The following ZFHX3 variants were observed in gnomAD, a reference collection of about 807,000 sequenced individuals.
ZFHX3 encodes zinc finger homeobox protein 3.
A neutral mutation model predicts 279.1 loss-of-function variants in ZFHX3; 42 were observed. That is an observed-to-expected ratio of 0.15 (90% confidence interval 0.12 to 0.19). The LOEUF (loss-of-function observed/expected upper bound fraction) is 0.19. Ranked by LOEUF, ZFHX3 falls within the 10% of genes least tolerant of loss-of-function variation. The pLI is 1.00. For missense variants in ZFHX3, 4,981 were observed against 4,754.0 expected, an observed-to-expected ratio of 1.05 and a Z score of -1.40; for synonymous variants, 2,293 against 1,957.8, an observed-to-expected ratio of 1.17 and a Z score of -4.52.
chr16:73,233,479 C>A (rs1318083507), intron 5 of ZFHX3, among the ~76,000 whole-genome samples: 1 of 152,194 alleles, frequency 6.6e-6, no homozygotes, highest in East Asian at 1.9e-4. Context: ...CTCTGTTTGT[C>A]TGCAGAAGCT....
Position 72,786,380 on chromosome 16 carries a change from C to A in ZFHX3, c.*784G>T, listed in dbSNP as rs2035369157. On this transcript the variant is annotated 3_prime_UTR_variant, in exon 10 of 10. Coordinates refer to ENST00000268489, the MANE Select transcript of ZFHX3 (RefSeq NM_006885.4). ...TTTAAAACTTATTTTTTTTAAGCTACAAGTCCTCAACACTCTTTGTGTGTG... is the reference window on the plus strand; with the variant it reads ...TTTAAAACTTATTTTTTTTAAGCTAAAAGTCCTCAACACTCTTTGTGTGTG... 2 of 150,810 alleles carry A rather than the reference C, an allele frequency of 1.3e-5. No homozygotes were observed. Among genetic ancestry groups the A allele is most frequent in the Admixed American group, 6.6e-5 (1 of 15,100 alleles). The allele number at this position is 150,810 out of a possible 1,614,324, so 9.3% of individuals were successfully genotyped here. A position where few individuals can be genotyped will look rare whatever the true frequency, so the allele number is the denominator to read the frequency against.
At chr16:73,522,572 A>T (rs1286220594) in intron 2 of ZFHX3, among the ~76,000 whole-genome samples, 4 of 152,158 alleles carry the variant, frequency 2.6e-5, no homozygotes, top group African/African-American at 9.7e-5. Context: ...TTGACTAAGC[A>T]GCCCAGACCA....
intron 2 of ZFHX3, among the ~76,000 whole-genome samples, chr16:73,562,657 A>C (rs992112871): frequency 1.3e-5 from 2 of 151,670 alleles, no homozygotes; most frequent in African/African-American, 4.8e-5. Context: ...GTCTCACCAG[A>C]GAAGGCAGAG....
chr16:73,831,297 G>A (rs148015210), intron 1 of ZFHX3, among the ~76,000 whole-genome samples: 57 of 152,284 alleles, frequency 3.7e-4, no homozygotes, highest in African/African-American at 1.3e-3. Context: ...ACTAACGTCC[G>A]GAAGCAGCAG....
At chr16:73,178,538 T>G (rs1013316207) in intron 5 of ZFHX3, among the ~76,000 whole-genome samples, 9 of 152,194 alleles carry the variant, frequency 5.9e-5, no homozygotes, top group African/African-American at 1.9e-4. Context: ...TTCAACTCAT[T>G]TGTCTATGGC....
intron 4 of ZFHX3, among the ~76,000 whole-genome samples, chr16:73,265,366 C>T (rs1339468333): frequency 2.6e-5 from 4 of 152,096 alleles, no homozygotes; most frequent in Non-Finnish European, 5.9e-5. Context: ...CTGGAGTCAG[C>T]TTTGCTGCAG....
At chr16:73,070,905 T>C (rs757318074) in intron 8 of ZFHX3, among the ~76,000 whole-genome samples, 1 of 135,626 alleles carries the variant, frequency 7.4e-6, no homozygotes, top group Non-Finnish European at 1.6e-5. Context: ...GGCTGGTTCC[T>C]AGACCGTCTT....
intron 1 of ZFHX3, among the ~76,000 whole-genome samples, chr16:73,841,853 T>C (rs1961316739): frequency 6.6e-6 from 1 of 152,194 alleles, no homozygotes; most frequent in Non-Finnish European, 1.5e-5. Context: ...ATACACTTTC[T>C]TTGCACATGA....
intron 4 of ZFHX3, among the ~76,000 whole-genome samples, chr16:73,274,037 G>A (rs944405542): frequency 9.9e-5 from 15 of 152,118 alleles, no homozygotes; most frequent in African/African-American, 3.1e-4. Flanking sequence ...CCAGCTACTC[G>A]GGAGGCTGAG....
chr16:73,143,367 T>A (rs968250032), intron 6 of ZFHX3, among the ~76,000 whole-genome samples: 5 of 151,974 alleles, frequency 3.3e-5, no homozygotes, highest in Non-Finnish European at 5.9e-5. Context: ...GTGGGAAGAT[T>A]GACAAAGATA....
At chr16:73,291,870 G>A (rs1463125392) in intron 4 of ZFHX3, among the ~76,000 whole-genome samples, 4 of 152,136 alleles carry the variant, frequency 2.6e-5, no homozygotes, top group South Asian at 2.1e-4. Context: ...CACATATTCT[G>A]GGAAGAACTT....
At chr16:73,140,815 G>A (rs919222131) in intron 6 of ZFHX3, among the ~76,000 whole-genome samples, 2 of 152,268 alleles carry the variant, frequency 1.3e-5, no homozygotes, top group Admixed American at 1.3e-4. Flanking sequence ...TTGTGCCACT[G>A]CACTCCAGCC....
intron 4 of ZFHX3, among the ~76,000 whole-genome samples, chr16:73,309,178 A>C (rs1199438816): frequency 6.6e-6 from 1 of 152,074 alleles, no homozygotes; most frequent in Non-Finnish European, 1.5e-5. Flanking sequence ...TTGTCATCTG[A>C]GTACTAAGCC....
In ZFHX3 at chr16:73,117,917, C is replaced by T. The variant is rs138713028; in HGVS notation, c.-897+13051G>A. ...CACCAGAAACCAAATCTGCTGGTGC[C>T]TTCATCTTGGACTTCCCAGCCTCCA... On this transcript the variant is annotated intron_variant, in intron 7 of 17. Coordinates refer to the ZFHX3 transcript ENST00000641206. Among the ~76,000 whole-genome samples, 488 of 152,336 alleles carry T rather than the reference C, an allele frequency of 3.2e-3. 2 individuals are homozygous for T. Among genetic ancestry groups the T allele is most frequent in the Non-Finnish European group, 5.0e-3 (342 of 68,032 alleles).
chr16:73,117,326 T>A (rs1435933421), intron 7 of ZFHX3, among the ~76,000 whole-genome samples: 1 of 152,210 alleles, frequency 6.6e-6, no homozygotes, highest in Non-Finnish European at 1.5e-5. Context: ...TAGTTATACA[T>A]AAATACATAC....
At chr16:73,467,884 G>A (rs544446531) in intron 2 of ZFHX3, among the ~76,000 whole-genome samples, 1 of 152,254 alleles carries the variant, frequency 6.6e-6, no homozygotes, top group South Asian at 2.1e-4. Flanking sequence ...CTGGGGCTGG[G>A]TAACCTGCTA....
At chr16:73,811,946 A>G (rs1255116014) in intron 1 of ZFHX3, among the ~76,000 whole-genome samples, 1 of 152,088 alleles carries the variant, frequency 6.6e-6, no homozygotes, top group Non-Finnish European at 1.5e-5. Flanking sequence ...TGAACTTTTT[A>G]TCTTCATTTT....
intron 1 of ZFHX3, among the ~76,000 whole-genome samples, chr16:73,710,809 G>A (rs2053354590): frequency 1.3e-5 from 2 of 152,318 alleles, no homozygotes; most frequent in Middle Eastern, 3.4e-3. Context: ...TTTCCCAGGA[G>A]TCGCCTTGTA....
At chr16:73,291,431 G>A (rs1313890521) in intron 4 of ZFHX3, among the ~76,000 whole-genome samples, 1 of 152,218 alleles carries the variant, frequency 6.6e-6, no homozygotes, top group East Asian at 1.9e-4. Flanking sequence ...TGCTGGTTAT[G>A]AGATTATACG....
Sources: allele counts gnomAD v4.1 joint callset (sites outside exome capture counted in the v4.1 genomes callset), GRCh38; gene constraint gnomAD v4.1.1; transcripts MANE v1.5; gene names NCBI Gene and HGNC (gene_info 2026-07-23, HGNC 2026-07-21).